Variants in TTC33 observed in about 807,000 individuals in gnomAD.
TTC33 encodes the protein tetratricopeptide repeat protein 33.
In TTC33, 24 loss-of-function variants were observed where a neutral mutation model predicts 29.4. The ratio of observed to expected loss-of-function variants is 0.82; its 90% confidence interval spans 0.59 to 1.15. The LOEUF (loss-of-function observed/expected upper bound fraction) is 1.15, where lower values mean the gene tolerates loss of function less well. TTC33 is among the 50% of genes most tolerant of loss of function. The pLI, the probability that TTC33 is intolerant of heterozygous loss-of-function variation, is 0.00. For synonymous variants in TTC33, 107 were observed against 100.3 expected, an observed-to-expected ratio of 1.07 and a Z score of -0.40; for missense variants, 286 against 310.4, an observed-to-expected ratio of 0.92 and a Z score of 0.59.
chr5:40,726,144 TA>T (rs1054175722), intron 4 of TTC33, among the ~76,000 whole-genome samples: 55 of 78,416 alleles, frequency 7.0e-4, no homozygotes, highest in South Asian at 6.9e-3. Context: ...TAAAGTCTTT[TA>T]TATATATATA....
At chr5:40,727,401 G>A (rs933187352) in intron 4 of TTC33, among the ~76,000 whole-genome samples, 1 of 152,152 alleles carries the variant, frequency 6.6e-6, no homozygotes, top group African/African-American at 2.4e-5. Context: ...CCTGCCAAAA[G>A]AAAAACAACA....
chr5:40,743,731 G>A (rs183383081), intron 2 of TTC33, among the ~76,000 whole-genome samples: 7 of 152,172 alleles, frequency 4.6e-5, no homozygotes, highest in East Asian at 3.9e-4. Context: ...CCAAGATCGC[G>A]CCACTGCACT....
At chr5:40,755,494 A>G (rs1290890702) in intron 1 of TTC33, among the ~76,000 whole-genome samples, 4 of 152,112 alleles carry the variant, frequency 2.6e-5, no homozygotes, top group Non-Finnish European at 5.9e-5. Context: ...TCCAGCGGGG[A>G]GCGGCCGGCT....
At chr5:40,718,529 C>A (rs1024635304) in intron 4 of TTC33, among the ~76,000 whole-genome samples, 1 of 152,170 alleles carries the variant, frequency 6.6e-6, no homozygotes, top group Non-Finnish European at 1.5e-5. Context: ...ATCACAAGGT[C>A]AGGAGTTCAA....
At chr5:40,738,524 AAATAC>A (rs1424425633) in intron 2 of TTC33, among the ~76,000 whole-genome samples, 5 of 98,016 alleles carry the variant, frequency 5.1e-5, no homozygotes, top group African/African-American at 1.5e-4. Flanking sequence ...CAATAAAATA[AAATAC>A]AATAAAATAC....
At chr5:40,746,739 G>A (rs894901442) in intron 2 of TTC33, 59 bp downstream of exon 2, 14 of 1,261,812 alleles carry the variant, frequency 1.1e-5, no homozygotes, top group African/African-American at 4.5e-5. Flanking sequence ...ATCCCATTAC[G>A]GACAGTGAGC....
chr5:40,755,647 C>T (rs1447280157), intron 1 of TTC33, among the ~76,000 whole-genome samples, 177 bp downstream of exon 1: 2 of 152,230 alleles, frequency 1.3e-5, no homozygotes, highest in Non-Finnish European at 2.9e-5. Context: ...CGGGTTTCAA[C>T]TCCTATTCCG....
rs2111854908 is a variant in TTC33 at position 40,714,576 on chromosome 5, T to C, written c.*1569A>G. ...AGTACTCACTTCTCTAGATACCTAT[T>C]TACGTTTTGAGAATGTTCTTTATTA... On this transcript the variant is annotated 3_prime_UTR_variant, in exon 5 of 5. Transcript: ENST00000337702. The C allele has an allele frequency of 6.6e-6, 1 of 152,300 alleles. No homozygotes were observed. Among genetic ancestry groups the C allele is most frequent in the Admixed American group, 6.5e-5 (1 of 15,290 alleles). The allele number at this position is 152,300 out of a possible 1,614,324, so 9.4% of individuals were successfully genotyped here. A position where few individuals can be genotyped will look rare whatever the true frequency, so the allele number is the denominator to read the frequency against.
chr5:40,737,006 C>T (rs1394796711), intron 2 of TTC33, among the ~76,000 whole-genome samples: 1 of 152,028 alleles, frequency 6.6e-6, no homozygotes, highest in Non-Finnish European at 1.5e-5. Flanking sequence ...AATTTAAAAG[C>T]CACTCAAGGT....
chr5:40,754,071 C>A (rs1742942757), intron 1 of TTC33, among the ~76,000 whole-genome samples: 2 of 152,114 alleles, frequency 1.3e-5, no homozygotes, highest in Non-Finnish European at 2.9e-5. Flanking sequence ...CAACCCAAAC[C>A]ACTGTTATAA....
intron 4 of TTC33, among the ~76,000 whole-genome samples, chr5:40,719,261 T>A (rs1742075001): frequency 6.6e-6 from 1 of 152,234 alleles, no homozygotes; most frequent in Admixed American, 6.5e-5. Flanking sequence ...TTAATTTACT[T>A]GCTATTGCTA....
In TTC33 at chr5:40,734,598, T is replaced by C. The variant is rs562824462; in HGVS notation, c.222-4255A>G. ...TTAGATAGCACACTCATTTACCAAA[T>C]AGAAATGTCAATGTGTTTAGCTACT... On this transcript the variant is annotated intron_variant, in intron 2 of 4. Coordinates refer to ENST00000337702, the MANE Select transcript of TTC33 (RefSeq NM_012382.3). 1.4e-4 allele frequency among the ~76,000 whole-genome samples: 22 copies of C among 152,310 alleles called. No individual in the cohort carries two copies. In the South Asian group the frequency reaches 2.7e-3, roughly 19 times the overall value.
chr5:40,752,639 G>T (rs1478906119), intron 1 of TTC33, among the ~76,000 whole-genome samples: 1 of 152,092 alleles, frequency 6.6e-6, no homozygotes, highest in African/African-American at 2.4e-5. Context: ...ATCTCATATG[G>T]GCATGGTTCA....
intron 1 of TTC33, among the ~76,000 whole-genome samples, chr5:40,748,888 A>G (rs1742847054): frequency 6.6e-6 from 1 of 152,184 alleles, no homozygotes; most frequent in Non-Finnish European, 1.5e-5. Context: ...TAATCCTAGC[A>G]CTTTGGGAGG....
At chr5:40,749,935 A>G (rs1439382598) in intron 1 of TTC33, among the ~76,000 whole-genome samples, 4 of 152,096 alleles carry the variant, frequency 2.6e-5, no homozygotes, top group Non-Finnish European at 5.9e-5. Context: ...TAAAAATACA[A>G]AAATTATCCG....
chr5:40,743,840 A>G lies in TTC33; in HGVS notation c.221+2958T>C, dbSNP rs1458810741. Among the ~76,000 whole-genome samples the G allele has an allele frequency of 2.0e-5, 3 of 152,370 alleles. No individual in the cohort carries two copies. In the East Asian group the frequency reaches 5.8e-4, roughly 29 times the overall value. On this transcript the variant is annotated intron_variant, in intron 2 of 4. Coordinates refer to ENST00000337702, the MANE Select transcript of TTC33 (RefSeq NM_012382.3). ...ATACATTACTCAAAAATAAATGCTA[A>G]AGAGCAAAAAATGTAATCATGTTAT... is the stretch of plus-strand genomic sequence containing the variant.
intron 2 of TTC33, among the ~76,000 whole-genome samples, chr5:40,743,977 A>G (rs139758506): frequency 6.6e-5 from 10 of 152,344 alleles, no homozygotes; most frequent in South Asian, 6.2e-4. Flanking sequence ...TACAATGCTG[A>G]TATCTCTTCT....
intron 4 of TTC33, among the ~76,000 whole-genome samples, chr5:40,727,105 CT>C (rs1742305506): frequency 6.6e-6 from 1 of 151,996 alleles, no homozygotes; most frequent in African/African-American, 2.4e-5. Context: ...TGACAAACAC[CT>C]TTTTTGGTAA....
intron 2 of TTC33, among the ~76,000 whole-genome samples, chr5:40,738,559 A>C (rs999755832): frequency 5.1e-5 from 7 of 137,542 alleles, no homozygotes; most frequent in South Asian, 2.3e-4. Context: ...AAATAAAATA[A>C]AATAAAATAT....
Sources: gnomAD v4.1 joint callset for allele counts (sites outside exome capture counted in the v4.1 genomes callset) on GRCh38, gnomAD v4.1.1 for gene constraint, MANE v1.5 for transcripts, NCBI Gene and HGNC (gene_info 2026-07-23, HGNC 2026-07-21) for gene names.